PARD3: variants seen among roughly 807,000 people sequenced by gnomAD.
The protein encoded by PARD3 is par-3 family cell polarity regulator, also known as partitioning defective 3 homolog.
A neutral mutation model predicts 155.4 loss-of-function variants in PARD3; 75 were observed. The observed-to-expected ratio is 0.48, with a 90% CI of 0.40 to 0.58. PARD3 has a LOEUF of 0.58. Ranked by LOEUF, PARD3 falls within the 20% of genes least tolerant of loss-of-function variation. The pLI is 0.00. For missense variants in PARD3, 1,642 were observed against 1,721.7 expected, an observed-to-expected ratio of 0.95 and a Z score of 0.82; for synonymous variants, 576 against 610.5, an observed-to-expected ratio of 0.94 and a Z score of 0.83.
At chr10:34,681,099 G>A (rs1281902231) in intron 2 of PARD3, among the ~76,000 whole-genome samples, 1 of 152,032 alleles carries the variant, frequency 6.6e-6, no homozygotes, top group African/African-American at 2.4e-5. Context: ...GTTATACGAT[G>A]CAATATTACT....
intron 2 of PARD3, among the ~76,000 whole-genome samples, chr10:34,588,028 C>G (rs1248414378): frequency 6.6e-6 from 1 of 152,182 alleles, no homozygotes; most frequent in African/African-American, 2.4e-5. Flanking sequence ...AGGGACCCCT[C>G]TTACGGGCCT....
In PARD3 at chr10:34,111,133, T is replaced by C; in HGVS notation, c.*36A>G. 1.3e-6 allele frequency: 2 copies of C among 1,512,862 alleles called. No individual in the cohort carries two copies. Among genetic ancestry groups the C allele is most frequent in the Non-Finnish European group, 1.8e-6 (2 of 1,130,840 alleles). The allele number at this position is 1,512,862 out of a possible 1,614,324, so 93.7% of individuals were successfully genotyped here. A position where few individuals can be genotyped will look rare whatever the true frequency, so the allele number is the denominator to read the frequency against. ...ACAAGTCTTCATAGGAAAATGTCTTTTATTGCGCGACATGAAGCATCCGTT... is the reference window on the plus strand; with the variant it reads ...ACAAGTCTTCATAGGAAAATGTCTTCTATTGCGCGACATGAAGCATCCGTT... On this transcript the variant is annotated 3_prime_UTR_variant, in exon 25 of 25. Coordinates refer to ENST00000374788, the MANE Select transcript of PARD3 (RefSeq NM_001184785.2).
At chr10:34,729,361 T>A (rs750470303) in intron 1 of PARD3, among the ~76,000 whole-genome samples, 8 of 151,584 alleles carry the variant, frequency 5.3e-5, no homozygotes, top group South Asian at 2.1e-4. Context: ...TGAAACCCCG[T>A]CTCTACTAAA....
Position 34,337,302 on chromosome 10 carries a change from G to C in PARD3, c.2533C>G (p.Arg845Gly), listed in dbSNP as rs1054461887. The change falls in exon 17 of 25, where the codon CGA (arginine) becomes GGA (glycine). Residue 845 changes from arginine (R) to glycine (G), a missense_variant. Arg to Gly is a moderately radical substitution (Grantham distance 125). Coordinates refer to ENST00000374788, the MANE Select transcript of PARD3 (RefSeq NM_001184785.2). ...CCTAAATCCATGCTTTTTGATTTTCGTGTTTTAACGAAATCCAATTGACTG... is the reference window on the plus strand; with the variant it reads ...CCTAAATCCATGCTTTTTGATTTTCCTGTTTTAACGAAATCCAATTGACTG... ...DASQLDFVKTRKSKSMDLGIA... is the reference protein window; with the variant it reads ...DASQLDFVKTGKSKSMDLGIA... 2 of 1,595,056 alleles carry C rather than the reference G, an allele frequency of 1.3e-6. No individual in the cohort carries two copies. Among genetic ancestry groups the C allele is most frequent in the East Asian group, 4.6e-5 (2 of 43,652 alleles).
intron 2 of PARD3, among the ~76,000 whole-genome samples, chr10:34,614,969 G>A (rs2091153239): frequency 6.6e-6 from 1 of 152,148 alleles, no homozygotes; most frequent in Non-Finnish European, 1.5e-5. Flanking sequence ...ACAAGGTCAG[G>A]AGATCAAGAC....
chr10:34,623,736 T>C (rs1368748511), intron 2 of PARD3, among the ~76,000 whole-genome samples: 1 of 152,074 alleles, frequency 6.6e-6, no homozygotes, highest in Admixed American at 6.6e-5. Context: ...ATCCCAGCAC[T>C]TTGGGAGGAC....
chr10:34,495,274 G>A (rs886542955), intron 3 of PARD3, among the ~76,000 whole-genome samples: 8 of 152,048 alleles, frequency 5.3e-5, no homozygotes, highest in African/African-American at 1.9e-4. Flanking sequence ...CATTGCTTCT[G>A]ACACCTGCCA....
intron 22 of PARD3, among the ~76,000 whole-genome samples, chr10:34,135,378 GT>G (rs1008171690): frequency 1.3e-5 from 2 of 152,164 alleles, no homozygotes; most frequent in Non-Finnish European, 2.9e-5. Context: ...GGTTTTTGTT[GT>G]TTTTTCCTGA....
At chr10:34,254,148 A>G (rs1181850685) in intron 22 of PARD3, among the ~76,000 whole-genome samples, 5 of 152,176 alleles carry the variant, frequency 3.3e-5, no homozygotes, top group Admixed American at 1.3e-4. Flanking sequence ...TTGGGAGGCC[A>G]AGGCGGGTGG....
chr10:34,333,844 T>G (rs567400792), intron 18 of PARD3, among the ~76,000 whole-genome samples: 2 of 152,142 alleles, frequency 1.3e-5, no homozygotes, highest in Admixed American at 1.3e-4. Flanking sequence ...TAGTACTATA[T>G]TTGACCAAGA....
At chr10:34,467,062 A>G (rs2078053129) in intron 4 of PARD3, among the ~76,000 whole-genome samples, 1 of 152,154 alleles carries the variant, frequency 6.6e-6, no homozygotes, top group Non-Finnish European at 1.5e-5. Context: ...GCTCCATGGA[A>G]GTAAAAAGAT....
At chr10:34,402,417 C>A (rs181956557) in intron 5 of PARD3, among the ~76,000 whole-genome samples, 2 of 152,292 alleles carry the variant, frequency 1.3e-5, no homozygotes, top group East Asian at 3.9e-4. Flanking sequence ...TTCCTGCTAA[C>A]ACAGCTTGTC....
At chr10:34,320,265 G>A (rs1287878518) in intron 19 of PARD3, among the ~76,000 whole-genome samples, 1 of 152,166 alleles carries the variant, frequency 6.6e-6, no homozygotes, top group Admixed American at 6.5e-5. Context: ...GCCACAATCT[G>A]ACTACAGTAA....
intron 22 of PARD3, among the ~76,000 whole-genome samples, chr10:34,190,908 G>A (rs762311282): frequency 5.3e-5 from 8 of 152,012 alleles, no homozygotes; most frequent in Non-Finnish European, 1.0e-4. Flanking sequence ...ATGGCATCTC[G>A]CGGGTCCTGT....
intron 5 of PARD3, among the ~76,000 whole-genome samples, chr10:34,445,381 T>G (rs1263862865): frequency 6.6e-6 from 1 of 152,228 alleles, no homozygotes; most frequent in East Asian, 1.9e-4. Flanking sequence ...TTTAGTTTAA[T>G]CAATTATTCT....
chr10:34,511,839 C>T (rs2081414931), intron 3 of PARD3, among the ~76,000 whole-genome samples: 1 of 152,144 alleles, frequency 6.6e-6, no homozygotes. Context: ...AATCCTCCTG[C>T]CTCAGCCTCC....
In PARD3 at chr10:34,677,415, G is replaced by T. The variant is rs1335742192; in HGVS notation, c.222+18903C>A. Among the ~76,000 whole-genome samples the T allele has an allele frequency of 3.3e-5, 5 of 151,260 alleles. No individual in the cohort carries two copies. The East Asian group carries it at 9.7e-4, about 29-fold the overall frequency. On this transcript the variant is annotated intron_variant, in intron 2 of 24. Coordinates refer to ENST00000374788, the MANE Select transcript of PARD3 (RefSeq NM_001184785.2). Reference sequence around the variant, plus strand: ...GGACTGCTTCAGCCCAGGAGATTGAGACTACCAAGAGCTGTGATCATGCCA... The same window carrying T: ...GGACTGCTTCAGCCCAGGAGATTGATACTACCAAGAGCTGTGATCATGCCA...
chr10:34,218,647 T>C (rs1952125894), intron 22 of PARD3, among the ~76,000 whole-genome samples: 1 of 152,076 alleles, frequency 6.6e-6, no homozygotes, highest in African/African-American at 2.4e-5. Flanking sequence ...AAATTTATTT[T>C]AAAGAAGGTC....
chr10:34,611,851 C>G (rs2090921166), intron 2 of PARD3, among the ~76,000 whole-genome samples: 1 of 146,368 alleles, frequency 6.8e-6, no homozygotes, highest in African/African-American at 2.6e-5. Flanking sequence ...GCTCTGTCGC[C>G]CAGGCTGGAG....
Sources: allele counts gnomAD v4.1 joint callset (sites outside exome capture counted in the v4.1 genomes callset), GRCh38; gene constraint gnomAD v4.1.1; transcripts MANE v1.5; gene names NCBI Gene and HGNC (gene_info 2026-07-23, HGNC 2026-07-21).